The following EFNA5 variants were observed in gnomAD, a reference collection of about 807,000 sequenced individuals.
The protein encoded by EFNA5 is ephrin-A5.
Under a neutral mutation model 22.9 loss-of-function variants are expected in EFNA5, and 5 were observed. The ratio of observed to expected loss-of-function variants is 0.22; its 90% CI spans 0.11 to 0.46. The LOEUF (loss-of-function observed/expected upper bound fraction) is 0.46, where lower values mean the gene tolerates loss of function less well. EFNA5 is among the 20% of genes least tolerant of loss of function. The pLI is 0.99. For missense variants in EFNA5, 237 were observed against 293.3 expected, an observed-to-expected ratio of 0.81 and a Z score of 1.40; for synonymous variants, 113 against 112.2, an observed-to-expected ratio of 1.01 and a Z score of -0.04.
At chr5:107,580,721 C>CAAAAAAAAAAA (rs56868732) in intron 1 of EFNA5, among the ~76,000 whole-genome samples, 2 of 83,662 alleles carry the variant, frequency 2.4e-5, no homozygotes, top group Admixed American at 2.9e-4. Flanking sequence ...GACTCCATCT[C>CAAAAAAAAAAA]AAAAAAAAAA....
intron 1 of EFNA5, among the ~76,000 whole-genome samples, chr5:107,448,001 C>A (rs1249141059): frequency 6.6e-6 from 1 of 152,040 alleles, no homozygotes; most frequent in Non-Finnish European, 1.5e-5. Context: ...TGCCTGCCAC[C>A]ACGCCGGGCT....
intron 1 of EFNA5, among the ~76,000 whole-genome samples, chr5:107,440,289 A>G (rs1580452922): frequency 6.6e-6 from 1 of 152,192 alleles, no homozygotes; most frequent in African/African-American, 2.4e-5. Flanking sequence ...GTACTACAAT[A>G]TTTCTACCTA....
rs142592775 is a variant in EFNA5, at chr5:107,493,390, T to C, written c.126-65881A>G. ...GTTAAAGGACCCAGACTGCTGAATGTGTGCGGTAACTGCAGTGTTTTCCAC... is the reference window on the plus strand; with the variant it reads ...GTTAAAGGACCCAGACTGCTGAATGCGTGCGGTAACTGCAGTGTTTTCCAC... On this transcript the variant is annotated intron_variant, in intron 1 of 4. Coordinates refer to ENST00000333274, the MANE Select transcript of EFNA5 (RefSeq NM_001962.3). Among the ~76,000 whole-genome samples the C allele has an allele frequency of 2.8e-3, 423 of 152,256 alleles. 1 individual carries two copies. The highest frequency in any genetic ancestry group is 9.4e-3 in the African/African-American group (391 of 41,548).
intron 1 of EFNA5, among the ~76,000 whole-genome samples, chr5:107,545,472 A>G (rs1487459065): frequency 6.6e-6 from 1 of 152,220 alleles, no homozygotes; most frequent in Non-Finnish European, 1.5e-5. Context: ...GGGTTTTAGC[A>G]AGTGAGCCCT....
intron 2 of EFNA5, among the ~76,000 whole-genome samples, chr5:107,399,415 G>A (rs1580425124): frequency 7.1e-6 from 1 of 141,476 alleles, no homozygotes; most frequent in South Asian, 2.1e-4. Flanking sequence ...AGGAAGGAAG[G>A]AGAGAGAGAG....
At chr5:107,609,429 C>G (rs376472115) in intron 1 of EFNA5, among the ~76,000 whole-genome samples, 1 of 152,132 alleles carries the variant, frequency 6.6e-6, no homozygotes, top group Non-Finnish European at 1.5e-5. Context: ...GACTTGGCCT[C>G]CTTTGATCTT....
chr5:107,379,914 A>G lies in EFNA5; in HGVS notation c.*1341T>C, dbSNP rs1747389333. 6.6e-6 allele frequency: 1 copy of G among 152,188 alleles called. No homozygotes were observed. The highest frequency in any genetic ancestry group is 6.5e-5 in the Admixed American group (1 of 15,284). The allele number at this position is 152,188 out of a possible 1,614,324, so 9.4% of individuals were successfully genotyped here. The stretch of plus-strand genomic sequence containing the variant: ...TTCTATTCTAGTGGATTTTTAAAAA[A>G]ATATTTTGTTAAAGTCTTTGGGACT... On this transcript the variant is annotated 3_prime_UTR_variant, in exon 5 of 5. Coordinates refer to ENST00000333274, the MANE Select transcript of EFNA5 (RefSeq NM_001962.3).
intron 1 of EFNA5, among the ~76,000 whole-genome samples, chr5:107,470,491 G>C (rs1561400353): frequency 6.6e-6 from 1 of 152,210 alleles, no homozygotes; most frequent in Non-Finnish European, 1.5e-5. Flanking sequence ...AACCATTAAT[G>C]TCTGTGTCAG....
chr5:107,387,195 T>C (rs558620273), intron 4 of EFNA5, 40 bp downstream of exon 4: 107 of 1,378,852 alleles, frequency 7.8e-5, no homozygotes, highest in Non-Finnish European at 1.0e-4. Context: ...ACCAGAGAAA[T>C]AGATGCATTT....
chr5:107,647,192 A>G (rs1015958928), intron 1 of EFNA5, among the ~76,000 whole-genome samples: 5 of 152,134 alleles, frequency 3.3e-5, no homozygotes, highest in East Asian at 1.9e-4. Context: ...TCTTAACAAA[A>G]TATCAACCTA....
intron 2 of EFNA5, among the ~76,000 whole-genome samples, chr5:107,403,235 A>T (rs1407292311): frequency 1.3e-5 from 2 of 152,210 alleles, no homozygotes; most frequent in Non-Finnish European, 2.9e-5. Context: ...TGAGTTGCAC[A>T]ACTTGTGATC....
At chr5:107,498,034 G>A (rs1747031270) in intron 1 of EFNA5, among the ~76,000 whole-genome samples, 1 of 152,140 alleles carries the variant, frequency 6.6e-6, no homozygotes, top group Non-Finnish European at 1.5e-5. Context: ...TTCTGCCTCA[G>A]CCTCCCAAGT....
At chr5:107,636,857 C>T (rs1750382606) in intron 1 of EFNA5, among the ~76,000 whole-genome samples, 1 of 152,074 alleles carries the variant, frequency 6.6e-6, no homozygotes, top group Non-Finnish European at 1.5e-5. Context: ...TGACACAGGG[C>T]AATAATCTGT....
At chr5:107,526,157 C>T (rs1246762986) in intron 1 of EFNA5, among the ~76,000 whole-genome samples, 5 of 152,116 alleles carry the variant, frequency 3.3e-5, no homozygotes, top group African/African-American at 1.2e-4. Context: ...ATAAAGGGAT[C>T]CAGGAAGTTT....
rs1172398558 is a variant in EFNA5, at chr5:107,410,853, G to A, written c.418+16364C>T. On this transcript the variant is annotated intron_variant, in intron 2 of 4. Transcript: ENST00000333274. ...ATCTGATTAGAGTTGGGCAGTGGCA[G>A]AAATGAGACTTAACCCAGTCTATTG... is the stretch of plus-strand genomic sequence containing the variant. Among the ~76,000 whole-genome samples the A allele has an allele frequency of 2.0e-5, 3 of 152,262 alleles. No homozygotes were observed. The East Asian group carries it at 5.8e-4, about 29-fold the overall frequency.
intron 1 of EFNA5, among the ~76,000 whole-genome samples, chr5:107,582,541 G>A (rs1261442867): frequency 1.3e-5 from 2 of 152,058 alleles, no homozygotes; most frequent in African/African-American, 2.4e-5. Flanking sequence ...CAATTTAGGC[G>A]ATCAGAGACC....
At chr5:107,387,873 C>A in intron 2 of EFNA5, 102 bp from the exon 3 acceptor site, 2 of 834,830 alleles carry the variant, frequency 2.4e-6, no homozygotes, top group African/African-American at 1.7e-5. Context: ...TCTTTCCTGA[C>A]TTGAACAACA....
At chr5:107,592,014 TAATATAA>T (rs1749374617) in intron 1 of EFNA5, among the ~76,000 whole-genome samples, 1 of 43,200 alleles carries the variant, frequency 2.3e-5, no homozygotes, top group African/African-American at 1.5e-4. Flanking sequence ...ATAATATATA[TAATATAA>T]TATATATTAT....
At chr5:107,443,104 A>G (rs1337896286) in intron 1 of EFNA5, among the ~76,000 whole-genome samples, 2 of 152,080 alleles carry the variant, frequency 1.3e-5, no homozygotes, top group African/African-American at 4.8e-5. Context: ...TTATGAAACC[A>G]TTAGGGGCAT....
Sources: gnomAD v4.1 joint callset for allele counts (sites outside exome capture counted in the v4.1 genomes callset) on GRCh38, gnomAD v4.1.1 for gene constraint, MANE v1.5 for transcripts, NCBI Gene and HGNC (gene_info 2026-07-23, HGNC 2026-07-21) for gene names.